UBE4B: variants seen among roughly 807,000 people sequenced by gnomAD.
UBE4B encodes the protein ubiquitin conjugation factor E4 B.
A neutral mutation model predicts 148.1 loss-of-function variants in UBE4B; 27 were observed. The ratio of observed to expected loss-of-function variants is 0.18; its 90% CI spans 0.13 to 0.25. UBE4B has a LOEUF of 0.25. Ranked by LOEUF, UBE4B falls within the 10% of genes least tolerant of loss-of-function variation. The probability of loss-of-function intolerance (pLI) is 1.00; values close to 1 mark genes in which losing one functional copy is unlikely to be tolerated. For missense variants in UBE4B, 1,170 were observed against 1,662.4 expected, an observed-to-expected ratio of 0.70 and a Z score of 5.15; for synonymous variants, 596 against 619.3, an observed-to-expected ratio of 0.96 and a Z score of 0.56.
intron 19 of UBE4B, among the ~76,000 whole-genome samples, 185 bp from the exon 20 acceptor site, chr1:10,148,999 C>T (rs949625179): frequency 6.6e-6 from 1 of 152,106 alleles, no homozygotes; most frequent in Non-Finnish European, 1.5e-5. Flanking sequence ...CTTGCATATG[C>T]ACTGTCTTCA....
At position 10,111,817 on chromosome 1, in the gene UBE4B, C is replaced by T. The variant is rs527279348; in HGVS notation, c.1196+5234C>T. Among the ~76,000 whole-genome samples, 402 of 152,196 alleles carry T rather than the reference C, an allele frequency of 2.6e-3. 2 individuals carry two copies. The highest frequency in any genetic ancestry group is 8.9e-3 in the African/African-American group (368 of 41,522). ...ACTAAAAATACAAAAATTAGCTAGG[C>T]ATGATGGCATGTGCCTATAATCCCA... On this transcript the variant is annotated intron_variant, in intron 7 of 27. Coordinates refer to ENST00000343090, the MANE Select transcript of UBE4B (RefSeq NM_001105562.3).
At chr1:10,136,922 A>G in intron 16 of UBE4B, 145 bp from the exon 17 acceptor site, 3 of 895,206 alleles carry the variant, frequency 3.4e-6, no homozygotes, top group Non-Finnish European at 4.8e-6. Context: ...GTCCATCTCA[A>G]ATAAATAAAT....
At chr1:10,057,218 A>T (rs1644189941) in intron 1 of UBE4B, among the ~76,000 whole-genome samples, 1 of 152,060 alleles carries the variant, frequency 6.6e-6, no homozygotes, top group Admixed American at 6.6e-5. Flanking sequence ...CTTAGTTCTC[A>T]CCAGCTGGCA....
chr1:10,132,201 A>G (rs138657275), intron 14 of UBE4B, among the ~76,000 whole-genome samples, 168 bp from the exon 15 acceptor site: 1 of 152,290 alleles, frequency 6.6e-6, no homozygotes, highest in African/African-American at 2.4e-5. Flanking sequence ...TTACTTTGAC[A>G]TAGTTGGATG....
chr1:10,129,443 A>G lies in UBE4B; in HGVS notation c.1690A>G (p.Asn564Asp). ...GTTTGGGAAGACACACCCTGTGTGC[A>G]ATTTGGTAAGCACTCACCTGATGGG... ...TKFGKTHPVC[N>D]LVASLRLWLP... Residue 564 changes from asparagine to aspartate, a missense_variant, in exon 12 of 28, where the codon AAT becomes GAT. Physicochemically the swap from Asn to Asp is conservative, Grantham distance 23 (BLOSUM62 1). Around this residue, in one of 6 missense-constraint regions of UBE4B, gnomAD observed 388 missense variants for 536.0 expected, o/e 0.72. Coordinates refer to ENST00000343090, the MANE Select transcript of UBE4B (RefSeq NM_001105562.3). 4.3e-6 allele frequency: 7 copies of G among 1,611,962 alleles called. No individual in the cohort carries two copies. The highest frequency in any genetic ancestry group is 5.9e-6 in the Non-Finnish European group (7 of 1,178,250).
chr1:10,175,964 A>G (rs1266957824), intron 25 of UBE4B, among the ~76,000 whole-genome samples: 1 of 152,218 alleles, frequency 6.6e-6, no homozygotes, highest in African/African-American at 2.4e-5. Context: ...CCCAAAAGGA[A>G]AACCCTTAAA....
At chr1:10,129,271 T>C in intron 11 of UBE4B, 121 bp from the exon 12 acceptor site, 1 of 712,738 alleles carries the variant, frequency 1.4e-6, no homozygotes, top group Non-Finnish European at 2.4e-6. Flanking sequence ...TCAGAGGGAA[T>C]GCATGTGTGC....
chr1:10,056,433 C>T (rs750223583), intron 1 of UBE4B, among the ~76,000 whole-genome samples: 26 of 152,088 alleles, frequency 1.7e-4, no homozygotes, highest in African/African-American at 4.8e-5. Flanking sequence ...AAATATTTAC[C>T]GAGTGCTCTC....
chr1:10,105,735 C>A lies in UBE4B; in HGVS notation c.800C>A (p.Ser267Tyr). The change falls in exon 6 of 28, where the codon TCT (serine) becomes TAT (tyrosine). Residue 267 changes from serine (S) to tyrosine (Y), a missense_variant. Ser to Tyr is a moderately radical substitution (Grantham distance 144). Coordinates refer to ENST00000343090, the MANE Select transcript of UBE4B (RefSeq NM_001105562.3). ...AGCGTGGCTTCCTTTGGTGCCAGCT[C>A]TTTGTCTAGGTCAGTGTGGTTCTCT... The part of the protein sequence containing the change: ...FCSVASFGAS[S>Y]LSSLYESSPA... 1.9e-6 allele frequency: 3 copies of A among 1,613,702 alleles called. No individual in the cohort carries two copies. The highest frequency in any genetic ancestry group is 2.5e-6 in the Non-Finnish European group (3 of 1,180,038).
chr1:10,138,396 C>T (rs1373796741), intron 17 of UBE4B, among the ~76,000 whole-genome samples: 1 of 151,890 alleles, frequency 6.6e-6, no homozygotes, highest in African/African-American at 2.4e-5. Context: ...TGCACCTGGC[C>T]CAATTTTTTG....
chr1:10,067,929 C>T (rs1198233657), intron 1 of UBE4B, among the ~76,000 whole-genome samples: 3 of 151,640 alleles, frequency 2.0e-5, no homozygotes, highest in South Asian at 2.1e-4. Flanking sequence ...AGGGTTTCAC[C>T]GTGTTAACCA....
At chr1:10,167,473 ATGAC>A (rs1028597649) in intron 23 of UBE4B, among the ~76,000 whole-genome samples, 1 of 148,762 alleles carries the variant, frequency 6.7e-6, no homozygotes, top group African/African-American at 2.5e-5. Flanking sequence ...AATAATAATA[ATGAC>A]TAAGTAAAAG....
At position 10,048,460 on chromosome 1, in the gene UBE4B, G is replaced by A. The variant is rs139578862; in HGVS notation, c.24+14766G>A. ...TGGACAGATTTTACCTAGAGAGTGA[G>A]CATAAATGCGGAAGACAAGAGGACT... On this transcript the variant is annotated intron_variant, in intron 1 of 27. Coordinates refer to ENST00000343090, the MANE Select transcript of UBE4B (RefSeq NM_001105562.3). Among the ~76,000 whole-genome samples, 3 of 152,210 alleles carry A rather than the reference G, an allele frequency of 2.0e-5. No individual in the cohort carries two copies. The East Asian group carries it at 5.8e-4, about 29-fold the overall frequency.
intron 17 of UBE4B, 49 bp downstream of exon 17, chr1:10,137,254 T>C: frequency 6.2e-7 from 1 of 1,610,260 alleles, no homozygotes; most frequent in Non-Finnish European, 8.5e-7. Flanking sequence ...TACCACTTTT[T>C]CTCAGGGGCA....
intron 3 of UBE4B, among the ~76,000 whole-genome samples, chr1:10,099,393 A>G (rs1644974693): frequency 1.3e-5 from 2 of 152,228 alleles, no homozygotes; most frequent in South Asian, 2.1e-4. Flanking sequence ...TCACAATTTC[A>G]TTAAAAAGTA....
At chr1:10,039,764 GC>G (rs1285103958) in intron 1 of UBE4B, among the ~76,000 whole-genome samples, 2 of 152,076 alleles carry the variant, frequency 1.3e-5, no homozygotes, top group Non-Finnish European at 2.9e-5. Flanking sequence ...TCTGTAAAAT[GC>G]CTTTTAGGGA....
intron 16 of UBE4B, among the ~76,000 whole-genome samples, chr1:10,135,687 G>C (rs1645669621): frequency 7.5e-6 from 1 of 133,904 alleles, no homozygotes; most frequent in African/African-American, 2.9e-5. Flanking sequence ...AGTGAGCCAT[G>C]ATCACGGCAC....
chr1:10,107,305 ATGATGG>A (rs1300260147), intron 7 of UBE4B: 2 of 1,289,530 alleles, frequency 1.6e-6, no homozygotes, highest in African/African-American at 1.5e-5. Context: ...GAAGATGATG[ATGATGG>A]TGATGGTGAT....
intron 5 of UBE4B, among the ~76,000 whole-genome samples, chr1:10,104,900 T>C (rs2101892566): frequency 6.6e-6 from 1 of 152,366 alleles, no homozygotes; most frequent in East Asian, 1.9e-4. Flanking sequence ...GTTAAAACTT[T>C]TGTTTAGTGG....
Sources: gnomAD v4.1 joint callset for allele counts (sites outside exome capture counted in the v4.1 genomes callset) on GRCh38, gnomAD v4.1.1 for gene constraint, gnomAD v4.1.1 regional missense constraint, MANE v1.5 for transcripts, NCBI Gene and HGNC (gene_info 2026-07-23, HGNC 2026-07-21) for gene names.